IMMT: variants seen among roughly 807,000 people sequenced by gnomAD.
IMMT encodes the protein MICOS complex subunit MIC60.
A neutral mutation model predicts 92.7 loss-of-function variants in IMMT; 40 were observed. The observed-to-expected ratio is 0.43, with a 90% CI of 0.34 to 0.56. The LOEUF (loss-of-function observed/expected upper bound fraction) is 0.56. IMMT is among the 20% of genes least tolerant of loss of function. IMMT has a pLI of 0.03. For synonymous variants in IMMT, 322 were observed against 336.1 expected (o/e 0.96, Z 0.46); for missense variants, 831 against 912.1 (o/e 0.91, Z 1.14).
At chr2:86,171,913 T>G (rs1677115883) in intron 4 of IMMT, among the ~76,000 whole-genome samples, 2 of 150,350 alleles carry the variant, frequency 1.3e-5, no homozygotes, top group African/African-American at 4.9e-5. Context: ...CACAGCAAGA[T>G]CCCATCTCTA....
At chr2:86,147,297 A>C (rs1018068412) in intron 13 of IMMT, among the ~76,000 whole-genome samples, 1 of 152,230 alleles carries the variant, frequency 6.6e-6, no homozygotes, top group Non-Finnish European at 1.5e-5. Context: ...AGTTAATATT[A>C]CTGTAAATGA....
intron 8 of IMMT, 39 bp from the exon 9 acceptor site, chr2:86,159,710 G>A (rs747635262): frequency 1.3e-6 from 2 of 1,498,462 alleles, no homozygotes; most frequent in Non-Finnish European, 1.8e-6. Flanking sequence ...ATAACTTCTT[G>A]TCAACTGTAT....
intron 1 of IMMT, among the ~76,000 whole-genome samples, chr2:86,190,198 TA>T (rs1673033546): frequency 1.3e-5 from 2 of 152,252 alleles, no homozygotes; most frequent in African/African-American, 4.8e-5. Context: ...CATGATCTAC[TA>T]AACTACTTTC....
At chr2:86,170,963 T>G (rs972524370) in intron 5 of IMMT, 119 bp from the exon 6 acceptor site, 2 of 762,770 alleles carry the variant, frequency 2.6e-6, no homozygotes, top group Non-Finnish European at 4.2e-6. Flanking sequence ...GGCATTTTTG[T>G]GTTAAGAATT....
intron 1 of IMMT, chr2:86,193,184 A>T (rs1369949873): frequency 6.6e-6 from 1 of 151,822 alleles, no homozygotes; most frequent in East Asian, 1.9e-4. Flanking sequence ...TGGGAGGATC[A>T]TTTGAGCCCA....
Position 86,144,361 on chromosome 2 carries a change from GGCTTC to G in IMMT, c.2179_2183del (p.Glu727ProfsTer52). ...TCTGTTTCGTTTCTAGGGTCATTCGGGCTTCCTTCAGCCAGTCCTGTGCCACTCGT... is the reference window on the plus strand; with the variant it reads ...TCTGTTTCGTTTCTAGGGTCATTCGGCTTCAGCCAGTCCTGTGCCACTCGT... On this transcript the variant is annotated frameshift_variant, in exon 15 of 15. Transcript: ENST00000410111. LOFTEE classifies it high-confidence loss of function. 6.2e-7 allele frequency: 1 copy of G among 1,613,932 alleles called. No homozygotes were observed. The highest frequency in any genetic ancestry group is 8.5e-7 in the Non-Finnish European group (1 of 1,179,892).
Position 86,191,832 on chromosome 2 carries a change from AT to A in IMMT, c.45+3505del, listed in dbSNP as rs1558845339. Reference sequence around the variant, plus strand: ...TGGGAGGCTGAGGCAGGAGAATGGCATGAACCCGGGAGGCGGAGCTTGCAGT... The same window carrying A: ...TGGGAGGCTGAGGCAGGAGAATGGCAGAACCCGGGAGGCGGAGCTTGCAGT... On this transcript the variant is annotated intron_variant, in intron 1 of 14. Coordinates refer to ENST00000410111, the MANE Select transcript of IMMT (RefSeq NM_006839.3). 2.1e-4 allele frequency among the ~76,000 whole-genome samples: 31 copies of A among 150,934 alleles called. No individual in the cohort carries two copies. The South Asian group carries it at 6.5e-3, about 32-fold the overall frequency.
At chr2:86,163,463 G>A (rs1053440124) in intron 7 of IMMT, among the ~76,000 whole-genome samples, 5 of 152,100 alleles carry the variant, frequency 3.3e-5, no homozygotes, top group African/African-American at 1.2e-4. Context: ...GCTTTCTATT[G>A]GTGACATGGT....
chr2:86,145,603 CA>C (rs1179494744), intron 14 of IMMT, among the ~76,000 whole-genome samples: 5 of 149,834 alleles, frequency 3.3e-5, no homozygotes, highest in South Asian at 2.1e-4. Flanking sequence ...TGTTATGTGA[CA>C]AAAAAAGATT....
chr2:86,160,828 G>A (rs1334118866), intron 8 of IMMT, among the ~76,000 whole-genome samples: 1 of 152,194 alleles, frequency 6.6e-6, no homozygotes. Flanking sequence ...TCTACATTCT[G>A]ATAAACTGCC....
intron 10 of IMMT, among the ~76,000 whole-genome samples, chr2:86,156,602 A>G (rs931661686): frequency 1.3e-5 from 2 of 151,874 alleles, no homozygotes; most frequent in Admixed American, 6.6e-5. Context: ...TCAAAAAAAA[A>G]AAAAAAAAAA....
chr2:86,163,954 A>C (rs1201419829), intron 7 of IMMT, among the ~76,000 whole-genome samples: 1 of 151,004 alleles, frequency 6.6e-6, no homozygotes. Context: ...GCAAGACTCC[A>C]TCTCCAAAAA....
rs535530822 is a variant in IMMT, at chr2:86,170,982, A to G, written c.560-138T>C. 6.9e-5 allele frequency: 49 copies of G among 712,188 alleles called. 1 individual carries two copies. The South Asian group carries it at 7.7e-4, about 11-fold the overall frequency. The allele number at this position is 712,188 out of a possible 1,614,324, so 44.1% of individuals were successfully genotyped here. A position where few individuals can be genotyped will look rare whatever the true frequency, so the allele number is the denominator to read the frequency against. ...TTTTTGTGTTAAGAATTCTAAAACC[A>G]TATCATTACTCTTAATGATTCCAAA... is the stretch of plus-strand genomic sequence containing the variant. On this transcript the variant is annotated intron_variant, in intron 5 of 14. Coordinates refer to ENST00000410111, the MANE Select transcript of IMMT (RefSeq NM_006839.3).
chr2:86,148,631 AAATT>A (rs1307014897), intron 12 of IMMT, among the ~76,000 whole-genome samples: 2 of 152,124 alleles, frequency 1.3e-5, no homozygotes, highest in Admixed American at 6.6e-5. Flanking sequence ...AAAGAAAAGA[AAATT>A]AGTAAGTATC....
At chr2:86,166,428 A>T in intron 7 of IMMT, 80 bp downstream of exon 7, 1 of 1,329,530 alleles carries the variant, frequency 7.5e-7, no homozygotes, top group Non-Finnish European at 1.0e-6. Flanking sequence ...TAAATATTAC[A>T]CTTCTCTCCA....
chr2:86,156,335 T>G (rs1013728455), intron 10 of IMMT, among the ~76,000 whole-genome samples: 4 of 152,148 alleles, frequency 2.6e-5, no homozygotes, highest in African/African-American at 4.8e-5. Flanking sequence ...CTCACGCCTG[T>G]AATCCCAGCA....
At chr2:86,190,612 C>G (rs1241177340) in intron 1 of IMMT, among the ~76,000 whole-genome samples, 4 of 152,162 alleles carry the variant, frequency 2.6e-5, no homozygotes, top group African/African-American at 9.7e-5. Context: ...AAAACAAAAA[C>G]AGAGGGACCA....
chr2:86,173,545 A>G (rs959401996), intron 4 of IMMT, 105 bp downstream of exon 4: 7 of 687,636 alleles, frequency 1.0e-5, no homozygotes, highest in Admixed American at 4.8e-5. Context: ...GTGCCACTGC[A>G]CTCCAGCCTA....
rs772231642 is a variant in IMMT at position 86,144,644 on chromosome 2, C to T, written c.1901G>A (p.Arg634His). 12 of 1,613,814 alleles carry T rather than the reference C, an allele frequency of 7.4e-6. No individual in the cohort carries two copies. The highest frequency in any genetic ancestry group is 4.5e-5 in the East Asian group (2 of 44,890). Residue 634 changes from arginine to histidine, a missense_variant, in exon 15 of 15, where the codon CGT (arginine) becomes CAT (histidine). Transcript: ENST00000410111. ...GVYSEETLRA[R>H]FYAVQKLARR... ...GGCCAGTTTTTGAACAGCATAGAAA[C>T]GGGCTCTAAGGGTCTCTTCACTGTA...
Sources: gnomAD v4.1 joint callset for allele counts (sites outside exome capture counted in the v4.1 genomes callset) on GRCh38, gnomAD v4.1.1 for gene constraint, MANE v1.5 for transcripts, NCBI Gene and HGNC (gene_info 2026-07-23, HGNC 2026-07-21) for gene names.